Variants in RAF1 observed in about 807,000 individuals in gnomAD.
The protein encoded by RAF1 is RAF proto-oncogene serine/threonine-protein kinase.
A neutral mutation model predicts 81.1 loss-of-function variants in RAF1; 27 were observed. The observed-to-expected ratio is 0.33, with a 90% CI of 0.25 to 0.46. The LOEUF is 0.46. RAF1 is among the 20% of genes least tolerant of loss of function. The pLI, the probability that RAF1 is intolerant of heterozygous loss-of-function variation, is 1.00. For missense variants in RAF1, 598 were observed against 826.0 expected (o/e 0.72, Z 3.38); for synonymous variants, 298 against 294.0 (o/e 1.01, Z -0.14).
chr3:12,651,299 A>C (rs1240921166), intron 1 of RAF1, among the ~76,000 whole-genome samples: 3 of 152,202 alleles, frequency 2.0e-5, no homozygotes, highest in Non-Finnish European at 4.4e-5. Context: ...CAATATATAT[A>C]GATTTTTTGC....
chr3:12,601,377 T>A (rs1046257637), intron 8 of RAF1, among the ~76,000 whole-genome samples: 7 of 152,176 alleles, frequency 4.6e-5, no homozygotes, highest in Non-Finnish European at 8.8e-5. Flanking sequence ...ATTCTCCTCA[T>A]GGGAGAAAGC....
intron 3 of RAF1, among the ~76,000 whole-genome samples, chr3:12,611,493 G>A (rs902513599): frequency 1.3e-5 from 2 of 152,210 alleles, no homozygotes; most frequent in African/African-American, 2.4e-5. Context: ...TTAAAATTAC[G>A]GGTATTACCA....
intron 5 of RAF1, 82 bp downstream of exon 5, chr3:12,608,683 CA>C: frequency 6.9e-7 from 1 of 1,446,266 alleles, no homozygotes; most frequent in East Asian, 2.3e-5. Flanking sequence ...CCAGACCTGT[CA>C]GTCAAAATCT....
intron 2 of RAF1, among the ~76,000 whole-genome samples, chr3:12,617,334 C>T (rs183742962): frequency 6.6e-6 from 1 of 152,164 alleles, no homozygotes; most frequent in Admixed American, 6.5e-5. Context: ...AGGCTTGTCT[C>T]GAACTCCTGA....
chr3:12,630,458 G>C (rs965627023), intron 1 of RAF1, among the ~76,000 whole-genome samples: 1 of 152,152 alleles, frequency 6.6e-6, no homozygotes, highest in African/African-American at 2.4e-5. Context: ...TAAATTCCAT[G>C]ATAGTGGGTG....
At chr3:12,590,727 C>T in intron 13 of RAF1, 71 bp downstream of exon 12, 2 of 1,503,582 alleles carry the variant, frequency 1.3e-6, no homozygotes, top group Non-Finnish European at 1.8e-6. Context: ...AAGGCTTTTC[C>T]TGATCCTGGT....
intron 13 of RAF1, 103 bp from the exon 13 acceptor site, chr3:12,587,740 A>G (rs2058372132): frequency 1.0e-6 from 1 of 960,156 alleles, no homozygotes; most frequent in Non-Finnish European, 1.7e-6. Context: ...GCCTGGCTCC[A>G]AGGAGTGTTA....
At chr3:12,614,973 T>C (rs2059329890) in intron 2 of RAF1, among the ~76,000 whole-genome samples, 1 of 152,226 alleles carries the variant, frequency 6.6e-6, no homozygotes, top group East Asian at 1.9e-4. Context: ...CAGTCTTCAC[T>C]AAATCATACT....
At chr3:12,622,989 C>T (rs551795045) in intron 1 of RAF1, among the ~76,000 whole-genome samples, 31 of 152,016 alleles carry the variant, frequency 2.0e-4, no homozygotes, top group Non-Finnish European at 4.4e-4. Context: ...ACAGCAAGAC[C>T]CCATTTCTAA....
At chr3:12,585,524 C>T in intron 15 of RAF1, 157 bp downstream of exon 14, 1 of 876,716 alleles carries the variant, frequency 1.1e-6, no homozygotes, top group Non-Finnish European at 1.4e-6. Context: ...TCAACAGCTT[C>T]CTCAAGAAAA....
chr3:12,641,246 G>A (rs539282424), intron 1 of RAF1, among the ~76,000 whole-genome samples: 3 of 151,430 alleles, frequency 2.0e-5, no homozygotes, highest in Non-Finnish European at 4.4e-5. Flanking sequence ...ATAGCATTAG[G>A]AGATACACCT....
intron 1 of RAF1, among the ~76,000 whole-genome samples, chr3:12,660,802 C>A (rs1249285436): frequency 6.6e-6 from 1 of 152,020 alleles, no homozygotes; most frequent in African/African-American, 2.4e-5. Context: ...TGGTGAAATC[C>A]CGTCTCTACT....
rs564402013 is a variant in RAF1, at chr3:12,618,753, A to G, written c.-26-6T>C. 5 of 1,598,010 alleles carry G rather than the reference A, an allele frequency of 3.1e-6. No individual in the cohort carries two copies. In the African/African-American group the frequency reaches 4.0e-5, roughly 13 times the overall value. ...AGCTTAAACAATTCTTAAACCTGGT[A>G]AGAAACACAAATAATTGTAACTCTA... On this transcript the variant is annotated splice_polypyrimidine_tract_variant and splice_region_variant and intron_variant, in intron 1 of 17. Coordinates refer to ENST00000442415, the MANE Select transcript of RAF1 (RefSeq NM_001354689.3).
intron 1 of RAF1, among the ~76,000 whole-genome samples, chr3:12,653,245 G>A (rs1575676130): frequency 6.6e-6 from 1 of 152,140 alleles, no homozygotes; most frequent in East Asian, 1.9e-4. Flanking sequence ...TCTTGCTACT[G>A]CACTCCAGCC....
rs371071696 is a variant in RAF1 at position 12,593,368 on chromosome 3, A to T, written c.1169-1576T>A. 5.3e-5 allele frequency among the ~76,000 whole-genome samples: 8 copies of T among 150,336 alleles called. 1 individual carries two copies. The highest frequency in any genetic ancestry group is 2.0e-4 in the African/African-American group (8 of 40,862). On this transcript the variant is annotated intron_variant, in intron 11 of 17. Transcript: ENST00000442415. ...AGTGCTGGGATTACAAGCGTAAGCC[A>T]CCCCACCCAGCCCTCCCCATTTCAT...
At chr3:12,607,266 T>C (rs952867688) in intron 5 of RAF1, among the ~76,000 whole-genome samples, 10 of 152,146 alleles carry the variant, frequency 6.6e-5, no homozygotes, top group African/African-American at 2.4e-4. Flanking sequence ...GAAGGTAATA[T>C]CCCCTTTATT....
chr3:12,609,230 T>C lies in RAF1; in HGVS notation c.423+3A>G, dbSNP rs1384334901. The C allele has an allele frequency of 6.2e-7, 1 of 1,601,184 alleles. No homozygotes were observed. The highest frequency in any genetic ancestry group is 8.6e-7 in the Non-Finnish European group (1 of 1,168,174). ...CCAGAAAGAGAAGAGATCTGCAACT[T>C]ACAAAGTTGTGTGTTGTGAGGGGAA... On this transcript the variant is annotated splice_donor_region_variant and intron_variant, in intron 4 of 17. Transcript: ENST00000442415.
At chr3:12,635,928 G>A (rs1454945606) in intron 1 of RAF1, among the ~76,000 whole-genome samples, 11 of 151,392 alleles carry the variant, frequency 7.3e-5, no homozygotes, top group Middle Eastern at 3.4e-3. Context: ...AGCCGAGATC[G>A]CGCCACTGCA....
intron 15 of RAF1, 66 bp downstream of exon 14, chr3:12,585,615 C>T (rs2058308473): frequency 2.1e-6 from 3 of 1,447,650 alleles, no homozygotes; most frequent in Non-Finnish European, 2.9e-6. Flanking sequence ...TAAGTTTGCA[C>T]ATAAATCTCC....
Sources: allele counts gnomAD v4.1 joint callset (sites outside exome capture counted in the v4.1 genomes callset), GRCh38; gene constraint gnomAD v4.1.1; transcripts MANE v1.5; gene names NCBI Gene and HGNC (gene_info 2026-07-23, HGNC 2026-07-21).